The following RTL4 variants were observed in gnomAD, a reference collection of about 807,000 sequenced individuals.
RTL4 encodes retrotransposon Gag-like protein 4.
Under a neutral mutation model 5.3 loss-of-function variants are expected in RTL4, and 4 were observed. That is an observed-to-expected ratio of 0.75 (90% CI 0.37 to 1.72). RTL4 has a LOEUF of 1.72. Among genes scored for constraint, RTL4 ranks in the 40% most tolerant of loss-of-function variants. The probability of loss-of-function intolerance (pLI) is 0.04; values close to 1 mark genes in which losing one functional copy is unlikely to be tolerated. For missense variants in RTL4, 260 were observed against 227.1 expected (o/e 1.14, Z -0.93); for synonymous variants, 98 against 87.3 (o/e 1.12, Z -0.68).
chrX:112,352,469 G>C, the RTL4 span, among the ~76,000 whole-genome samples: 1 of 111,288 alleles, frequency 9.0e-6, no homozygotes, highest in African/African-American at 3.3e-5. Flanking sequence ...GATGGTACTG[G>C]TACCAAAACA....
chrX:112,391,916 A>G, the RTL4 span, among the ~76,000 whole-genome samples: 1 of 110,226 alleles, frequency 9.1e-6, no homozygotes, highest in South Asian at 3.9e-4. Flanking sequence ...CTCCACCCCC[A>G]GAGAGATGCA....
the RTL4 span, among the ~76,000 whole-genome samples, chrX:112,187,255 CTT>C: frequency 8.9e-6 from 1 of 112,318 alleles, no homozygotes; most frequent in Non-Finnish European, 1.9e-5. Context: ...CAATTACTCT[CTT>C]TGAGTGAGGC....
the RTL4 span, among the ~76,000 whole-genome samples, chrX:112,419,611 G>GTAAA: frequency 9.8e-4 from 34 of 34,711 alleles, 3 homozygotes; most frequent in South Asian, 5.1e-3. Flanking sequence ...ATATGTATAT[G>GTAAA]TATATATATA....
the RTL4 span, among the ~76,000 whole-genome samples, chrX:112,329,107 G>C: frequency 9.1e-6 from 1 of 110,278 alleles, no homozygotes; most frequent in Non-Finnish European, 1.9e-5. Flanking sequence ...AACTAGAAAA[G>C]CAAGAGCAAA....
chrX:112,322,754 T>C, the RTL4 span, among the ~76,000 whole-genome samples: 1 of 111,812 alleles, frequency 8.9e-6, no homozygotes, highest in East Asian at 2.8e-4. Flanking sequence ...CACACATATA[T>C]AGGATTTCAT....
chrX:112,348,183 C>T, the RTL4 span, among the ~76,000 whole-genome samples: 1 of 108,862 alleles, frequency 9.2e-6, no homozygotes, highest in Admixed American at 9.9e-5. Flanking sequence ...TCCTGGCCTT[C>T]GGTTTTTATG....
chrX:112,174,484 A>C, the RTL4 span, among the ~76,000 whole-genome samples: 1 of 105,374 alleles, frequency 9.5e-6, no homozygotes, highest in Admixed American at 1.0e-4. Context: ...TCTATCATTG[A>C]TGGACATTTG....
At chrX:112,116,436 C>T in the RTL4 span, among the ~76,000 whole-genome samples, 205 of 110,858 alleles carry the variant, frequency 1.8e-3, no homozygotes, top group African/African-American at 6.2e-3. Flanking sequence ...GCTTCCACAG[C>T]GTGGAAGGGG....
At chrX:112,174,345 C>T in the RTL4 span, among the ~76,000 whole-genome samples, 1 of 97,898 alleles carries the variant, frequency 1.0e-5, no homozygotes, top group East Asian at 3.4e-4. Context: ...GGTTTTTTGT[C>T]CTTGCGATAG....
At chrX:112,257,267 C>T in the RTL4 span, among the ~76,000 whole-genome samples, 62 of 111,422 alleles carry the variant, frequency 5.6e-4, no homozygotes, top group Non-Finnish European at 1.1e-3. Flanking sequence ...AAGGACATAT[C>T]TATTTTTCTT....
chrX:112,292,114 C>G, the RTL4 span, among the ~76,000 whole-genome samples: 3 of 111,594 alleles, frequency 2.7e-5, no homozygotes, highest in Non-Finnish European at 5.6e-5. Flanking sequence ...TTAATCTTGT[C>G]AATAACCTCT....
At chrX:112,291,536 T>G in the RTL4 span, among the ~76,000 whole-genome samples, 792 of 110,562 alleles carry the variant, frequency 7.2e-3, 1 homozygote, top group Non-Finnish European at 0.012. Flanking sequence ...ATATGAAACA[T>G]CACAGGGTGA....
the RTL4 span, among the ~76,000 whole-genome samples, chrX:112,137,614 C>T: frequency 8.9e-6 from 1 of 111,832 alleles, no homozygotes; most frequent in South Asian, 3.8e-4. Flanking sequence ...ATGGAGATTA[C>T]AGGTCCCTCC....
chrX:112,155,401 G>T, the RTL4 span, among the ~76,000 whole-genome samples: 1 of 111,316 alleles, frequency 9.0e-6, no homozygotes, highest in Non-Finnish European at 1.9e-5. Context: ...CCAAGGAAAA[G>T]GCTATTTGCA....
At chrX:112,133,624 G>A in the RTL4 span, among the ~76,000 whole-genome samples, 1 of 111,630 alleles carries the variant, frequency 9.0e-6, no homozygotes, top group Non-Finnish European at 1.9e-5. Context: ...TAGCATTTAT[G>A]GGTTCTAGCT....
chrX:112,430,176 A>G, the RTL4 span, among the ~76,000 whole-genome samples: 3 of 110,790 alleles, frequency 2.7e-5, no homozygotes, highest in Non-Finnish European at 3.8e-5. Context: ...TTCTCATTAC[A>G]TAGGTGTTAT....
chrX:112,115,825 G>T, the RTL4 span, among the ~76,000 whole-genome samples: 1 of 112,447 alleles, frequency 8.9e-6, no homozygotes, highest in Non-Finnish European at 1.9e-5. Flanking sequence ...ATAGAGGTGG[G>T]AGGAAGTTTG....
chrX:112,226,355 T>C, the RTL4 span, among the ~76,000 whole-genome samples: 1 of 112,124 alleles, frequency 8.9e-6, no homozygotes, highest in South Asian at 3.7e-4. Flanking sequence ...TGTATCATCT[T>C]CCCACTTCCA....
At chrX:112,096,585 CTTA>C in the RTL4 span, among the ~76,000 whole-genome samples, 1 of 111,425 alleles carries the variant, frequency 9.0e-6, no homozygotes, top group African/African-American at 3.3e-5. Flanking sequence ...TGACATTAGA[CTTA>C]TTATATACAG....
Sources: gnomAD v4.1 joint callset for allele counts (sites outside exome capture counted in the v4.1 genomes callset) on GRCh38, gnomAD v4.1.1 for gene constraint, MANE v1.5 for transcripts, NCBI Gene and HGNC (gene_info 2026-07-23, HGNC 2026-07-21) for gene names.